The following DNM2 variants were observed in gnomAD, a reference collection of about 807,000 sequenced individuals.
The protein encoded by DNM2 is dynamin-2.
DNM2 carries 15 observed loss-of-function variants against 99.0 expected under a neutral mutation model. The ratio of observed to expected loss-of-function variants is 0.15; its 90% CI spans 0.10 to 0.23. The LOEUF (loss-of-function observed/expected upper bound fraction) is 0.23. DNM2 is among the 10% of genes least tolerant of loss of function. DNM2 has a pLI of 1.00. For synonymous variants in DNM2, 525 were observed against 481.2 expected (o/e 1.09, Z -1.19); for missense variants, 742 against 1,189.4 (o/e 0.62, Z 5.53).
intron 8 of DNM2, 42 bp downstream of exon 8, chr19:10,793,897 C>T: frequency 1.9e-6 from 3 of 1,613,800 alleles, no homozygotes; most frequent in South Asian, 2.2e-5. Flanking sequence ...TCTGGTCAGG[C>T]ACCCTCCTGC....
intron 6 of DNM2, 108 bp downstream of exon 6, chr19:10,783,228 C>T (rs565858761): frequency 4.1e-5 from 62 of 1,522,798 alleles, no homozygotes; most frequent in Non-Finnish European, 5.3e-5. Context: ...CTTGTTTTAG[C>T]AAAATGGGTT....
At chr19:10,806,581 A>G (rs1483109987) in intron 13 of DNM2, among the ~76,000 whole-genome samples, 1 of 152,044 alleles carries the variant, frequency 6.6e-6, no homozygotes, top group African/African-American at 2.4e-5. Context: ...GCCTGAGCTC[A>G]GGAGTTTGAG....
intron 1 of DNM2, among the ~76,000 whole-genome samples, chr19:10,741,038 ATG>A (rs1194954498): frequency 6.6e-6 from 1 of 152,126 alleles, no homozygotes; most frequent in African/African-American, 2.4e-5. Flanking sequence ...CATGATAAGA[ATG>A]TGTATTTTAC....
Position 10,823,968 on chromosome 19 carries a change from C to T in DNM2, c.1893+69C>T, listed in dbSNP as rs903901562. 2.9e-5 allele frequency: 44 copies of T among 1,492,316 alleles called. 1 individual carries two copies. The South Asian group carries it at 4.9e-4, about 17-fold the overall frequency. The allele number at this position is 1,492,316 out of a possible 1,614,324, so 92.4% of individuals were successfully genotyped here. On this transcript the variant is annotated intron_variant, in intron 17 of 20. Transcript: ENST00000389253. ...GGAGAGGAAGCAGGGCTGGCTTTCC[C>T]CAGGACAGGTCATTTTCAGGCCATG...
intron 15 of DNM2, 28 bp from the exon 16 acceptor site, chr19:10,819,952 A>G: frequency 6.2e-7 from 1 of 1,612,046 alleles, no homozygotes; most frequent in East Asian, 2.2e-5. Flanking sequence ...TGGACCGCTC[A>G]GGGTGACTCT....
At position 10,805,955 on chromosome 19, in the gene DNM2, C is replaced by T. The variant is rs368598401; in HGVS notation, c.1533C>T (p.Ala511=). Residue 511 remains alanine (A), a synonymous_variant, in exon 13 of 21, where the codon GCC becomes GCT. Coordinates refer to ENST00000389253, the MANE Select transcript of DNM2 (RefSeq NM_001005361.3). The part of the protein sequence containing the change: ...QRSTQLNKKR[A]IPNQGEILVI... ...GCACGCAGCTGAACAAGAAGAGAGC[C>T]ATCCCCAATCAGGTAGCACACCCCT... The T allele has an allele frequency of 5.6e-6, 9 of 1,614,170 alleles. No homozygotes were observed. The South Asian group carries it at 6.6e-5, about 12-fold the overall frequency.
In DNM2 at chr19:10,803,764, CGCTGAAGA is replaced by C. The variant is rs1003334333; in HGVS notation, c.1493+1410_1493+1417del. The C allele has an allele frequency of 7.9e-6, 7 of 888,002 alleles. No individual in the cohort carries two copies. The African/African-American group carries it at 1.3e-4, about 16-fold the overall frequency. The allele number at this position is 888,002 out of a possible 1,614,324, so 55.0% of individuals were successfully genotyped here. ...CCCTGGGTGGGACATCCCTGGGGCCCGCTGAAGAGCTACGGGGTGCTCTCTCAGAGCCA... is the reference window on the plus strand; with the variant it reads ...CCCTGGGTGGGACATCCCTGGGGCCCGCTACGGGGTGCTCTCTCAGAGCCA... On this transcript the variant is annotated intron_variant, in intron 12 of 20. Transcript: ENST00000389253.
rs116730728 is a variant in DNM2 at position 10,807,659 on chromosome 19, C to T, written c.1546-910C>T. Among the ~76,000 whole-genome samples, 1,354 of 148,276 alleles carry T rather than the reference C, an allele frequency of 9.1e-3. 19 individuals carry two copies. Among genetic ancestry groups the T allele is most frequent in the African/African-American group, 0.032 (1,276 of 40,296 alleles). On this transcript the variant is annotated intron_variant, in intron 13 of 20. Coordinates refer to ENST00000389253, the MANE Select transcript of DNM2 (RefSeq NM_001005361.3). ...CGCCTCCTAGCTTCGTGTGATTCTCCTGCCTCAGCCTTCTGAGTAGCGACG... is the reference window on the plus strand; with the variant it reads ...CGCCTCCTAGCTTCGTGTGATTCTCTTGCCTCAGCCTTCTGAGTAGCGACG...
At chr19:10,790,799 C>A (rs547281717) in intron 7 of DNM2, among the ~76,000 whole-genome samples, 1 of 152,128 alleles carries the variant, frequency 6.6e-6, no homozygotes, top group Non-Finnish European at 1.5e-5. Context: ...CGGGGTCTCG[C>A]CTTGTTGCCC....
rs1173396952 is a variant in DNM2 at position 10,764,961 on chromosome 19, C to CT, written c.235+5166dup. On this transcript the variant is annotated intron_variant, in intron 2 of 20. Transcript: ENST00000389253. The surrounding 1 kb of genome is among the most constrained non-coding windows in gnomAD (Gnocchi z 4.1). ...TATCCTGTTCTTGTTTTTTCTTTTTCTTTTTTTTTTTTTTTTGAGATGGAG... is the reference window on the plus strand; with the variant it reads ...TATCCTGTTCTTGTTTTTTCTTTTTCTTTTTTTTTTTTTTTTTGAGATGGAG... 2.0e-3 allele frequency among the ~76,000 whole-genome samples: 278 copies of CT among 141,876 alleles called. No homozygotes were observed. The highest frequency in any genetic ancestry group is 3.5e-3 in the Admixed American group (50 of 14,192). The allele number at this position is 141,876 out of a possible 152,430, so 93.1% of individuals were successfully genotyped here. A position where few individuals can be genotyped will look rare whatever the true frequency, so the allele number is the denominator to read the frequency against.
In DNM2 at chr19:10,736,023, A is replaced by G. The variant is rs561676110; in HGVS notation, c.161+17620A>G. Among the ~76,000 whole-genome samples the G allele has an allele frequency of 2.2e-4, 34 of 152,158 alleles. 1 individual carries two copies. The South Asian group carries it at 6.6e-3, about 30-fold the overall frequency. On this transcript the variant is annotated intron_variant, in intron 1 of 20. Transcript: ENST00000389253. The stretch of plus-strand genomic sequence containing the variant: ...AGTGGCTGACGCCTGTAATCCTAAC[A>G]CTTTGGAGGCAGGTGGATCACTTGA...
At chr19:10,736,945 G>A (rs1041436085) in intron 1 of DNM2, among the ~76,000 whole-genome samples, 2 of 152,094 alleles carry the variant, frequency 1.3e-5, no homozygotes, top group South Asian at 2.1e-4. Context: ...CCAGGAGTAC[G>A]AGACCAGCCT....
chr19:10,796,039 C>T lies in DNM2; in HGVS notation c.1196+600C>T, dbSNP rs2071920178. On this transcript the variant is annotated intron_variant, in intron 9 of 20. Transcript: ENST00000389253. This position sits in a 1 kb window ranked among gnomAD's most constrained non-coding sequence, Gnocchi z 5.6. Reference sequence around the variant, plus strand: ...TTTCTCTCTGACTTATCTCCCCTGCCCCCGGGTCTGGACGGTTTCAGGACC... The same window carrying T: ...TTTCTCTCTGACTTATCTCCCCTGCTCCCGGGTCTGGACGGTTTCAGGACC... 1.9e-6 allele frequency: 3 copies of T among 1,612,744 alleles called. No homozygotes were observed. The highest frequency in any genetic ancestry group is 2.7e-5 in the African/African-American group (2 of 74,900).
chr19:10,802,166 C>T, intron 11 of DNM2, 122 bp from the exon 12 acceptor site: 2 of 1,002,704 alleles, frequency 2.0e-6, no homozygotes, highest in East Asian at 4.9e-5. Context: ...CCCTGTTCTC[C>T]TGTCTGGGAA....
intron 5 of DNM2, among the ~76,000 whole-genome samples, chr19:10,782,498 A>G (rs1045099416): frequency 2.0e-5 from 3 of 152,020 alleles, no homozygotes; most frequent in Admixed American, 6.6e-5. Context: ...ACCTGGGACT[A>G]TAGTCACGCG....
chr19:10,803,368 T>A (rs1189471184), intron 12 of DNM2, among the ~76,000 whole-genome samples: 1 of 152,154 alleles, frequency 6.6e-6, no homozygotes, highest in Non-Finnish European at 1.5e-5. Flanking sequence ...AACGAAGGAA[T>A]GAGGGCCTCA....
At chr19:10,828,062 G>A (rs1662745119) in intron 18 of DNM2, among the ~76,000 whole-genome samples, 1 of 152,056 alleles carries the variant, frequency 6.6e-6, no homozygotes. Flanking sequence ...GCCAAGGCGG[G>A]TGGATCACCT....
At position 10,756,577 on chromosome 19, in the gene DNM2, C is replaced by G. The variant is rs775311170; in HGVS notation, c.162-3161C>G. On this transcript the variant is annotated intron_variant, in intron 1 of 20. Transcript: ENST00000389253. ...CAGGCCTAGTGCCTGGCAGGCAGGT[C>G]CCTCGGGCTCTTTGTCATCCTCAGG... Among the ~76,000 whole-genome samples the G allele has an allele frequency of 1.3e-3, 195 of 152,264 alleles. 1 individual carries two copies. The highest frequency in any genetic ancestry group is 6.8e-3 in the Middle Eastern group (2 of 294).
At chr19:10,813,316 G>C (rs935543398) in intron 15 of DNM2, among the ~76,000 whole-genome samples, 1 of 152,164 alleles carries the variant, frequency 6.6e-6, no homozygotes, top group Admixed American at 6.5e-5. Context: ...ACTGCCAACC[G>C]GCCTCTGCTC....
Sources: allele counts gnomAD v4.1 joint callset (sites outside exome capture counted in the v4.1 genomes callset), GRCh38; gene constraint gnomAD v4.1.1; non-coding constraint Gnocchi (gnomAD v3.1); transcripts MANE v1.5; gene names NCBI Gene and HGNC (gene_info 2026-07-23, HGNC 2026-07-21).